Variants in ANK1 observed in about 807,000 individuals in gnomAD.
ANK1 encodes ankyrin 1.
ANK1 carries 51 observed loss-of-function variants against 210.4 expected under a neutral mutation model. That is an observed-to-expected ratio of 0.24 (90% CI 0.19 to 0.31). The LOEUF is 0.31. Among genes scored for constraint, ANK1 ranks in the 10% least tolerant of loss-of-function variants. The probability of loss-of-function intolerance (pLI) is 1.00; values close to 1 mark genes in which losing one functional copy is unlikely to be tolerated. For missense variants in ANK1, 2,051 were observed against 2,504.4 expected, an observed-to-expected ratio of 0.82 and a Z score of 3.86; for synonymous variants, 967 against 1,025.9, an observed-to-expected ratio of 0.94 and a Z score of 1.10.
At chr8:41,660,468 G>A (rs1361262734) in intron 42 of ANK1, 1 of 459,212 alleles carries the variant, frequency 2.2e-6, no homozygotes, top group African/African-American at 2.0e-5. Context: ...GCCCCGAGCT[G>A]GGCAGCATGA....
At chr8:41,831,151 A>G (rs1479713066) in intron 1 of ANK1, among the ~76,000 whole-genome samples, 2 of 152,128 alleles carry the variant, frequency 1.3e-5, no homozygotes, top group South Asian at 2.1e-4. Flanking sequence ...CCTTAAAACT[A>G]TGGACTCGTC....
At chr8:41,829,214 G>A (rs564503533) in intron 1 of ANK1, 2 of 152,164 alleles carry the variant, frequency 1.3e-5, no homozygotes, top group African/African-American at 2.4e-5. Context: ...CTGCCACAAG[G>A]CTTCAAAGGA....
chr8:41,868,408 C>T (rs1814878578), intron 1 of ANK1, among the ~76,000 whole-genome samples: 1 of 152,164 alleles, frequency 6.6e-6, no homozygotes, highest in Admixed American at 6.5e-5. Flanking sequence ...AGGGCAAAAC[C>T]ATTCCCAGTT....
intron 35 of ANK1, among the ~76,000 whole-genome samples, chr8:41,686,713 G>A (rs1283680801): frequency 6.6e-6 from 1 of 152,176 alleles, no homozygotes; most frequent in Non-Finnish European, 1.5e-5. Context: ...ATGCCCTACT[G>A]CCAAGAACCA....
intron 1 of ANK1, among the ~76,000 whole-genome samples, chr8:41,808,161 G>A (rs995207571): frequency 6.6e-6 from 1 of 152,116 alleles, no homozygotes; most frequent in Non-Finnish European, 1.5e-5. Flanking sequence ...GCACCCTGGG[G>A]CTACCTGCTG....
intron 1 of ANK1, among the ~76,000 whole-genome samples, chr8:41,774,815 T>C (rs923817204): frequency 1.3e-5 from 2 of 152,234 alleles, no homozygotes; most frequent in Non-Finnish European, 2.9e-5. Flanking sequence ...GCATTTAGAA[T>C]TGACACTTCA....
chr8:41,665,374 G>C (rs1417092641), intron 39 of ANK1: 30 of 925,370 alleles, frequency 3.2e-5, no homozygotes, highest in Non-Finnish European at 3.8e-5. Context: ...CCCATGTCCT[G>C]AGCACTGAAA....
intron 13 of ANK1, among the ~76,000 whole-genome samples, chr8:41,716,379 C>T (rs1443369155): frequency 1.3e-5 from 2 of 152,136 alleles, no homozygotes; most frequent in African/African-American, 4.8e-5. Context: ...TTTCTGAATG[C>T]TGCTGTCGGG....
chr8:41,750,450 T>C (rs1344600391), intron 2 of ANK1, among the ~76,000 whole-genome samples: 1 of 152,234 alleles, frequency 6.6e-6, no homozygotes, highest in East Asian at 1.9e-4. Flanking sequence ...ATCCTAAGTA[T>C]GCACGATTGC....
At chr8:41,828,552 C>T (rs1263546553) in intron 1 of ANK1, 1 of 154,230 alleles carries the variant, frequency 6.5e-6, no homozygotes, top group Non-Finnish European at 1.5e-5. Context: ...CCTCGGCGCT[C>T]CAACCACGTG....
chr8:41,701,693 C>G lies in ANK1; in HGVS notation c.2389-71G>C, dbSNP rs113350899. 636 of 1,466,294 alleles carry G rather than the reference C, an allele frequency of 4.3e-4. 2 individuals are homozygous for G. The African/African-American group carries it at 7.4e-3, about 17-fold the overall frequency. The allele number at this position is 1,466,294 out of a possible 1,614,324, so 90.8% of individuals were successfully genotyped here. A position where few individuals can be genotyped will look rare whatever the true frequency, so the allele number is the denominator to read the frequency against. The stretch of plus-strand genomic sequence containing the variant: ...CACATTTTTTACCAGCCCAGCGGTT[C>G]CCTGGTCATGCCTGTGGGGTTTCCC... On this transcript the variant is annotated intron_variant, in intron 21 of 42. Transcript: ENST00000289734.
chr8:41,729,454 C>T (rs1831547897), intron 3 of ANK1, among the ~76,000 whole-genome samples: 1 of 152,150 alleles, frequency 6.6e-6, no homozygotes. Flanking sequence ...ACAGTGGCAC[C>T]ATCATAACTC....
At chr8:41,741,694 A>G (rs1248940472) in intron 2 of ANK1, among the ~76,000 whole-genome samples, 1 of 152,174 alleles carries the variant, frequency 6.6e-6, no homozygotes, top group Non-Finnish European at 1.5e-5. Context: ...TCTGTTTGAA[A>G]TTCTGTTTAC....
At chr8:41,818,110 C>T (rs546189668) in intron 1 of ANK1, among the ~76,000 whole-genome samples, 3 of 152,276 alleles carry the variant, frequency 2.0e-5, no homozygotes, top group South Asian at 2.1e-4. Flanking sequence ...TAAAAGAAGA[C>T]GTATAGGAAA....
intron 1 of ANK1, among the ~76,000 whole-genome samples, chr8:41,831,499 T>A (rs1164725605): frequency 1.8e-4 from 27 of 151,484 alleles, no homozygotes; most frequent in African/African-American, 6.3e-4. Flanking sequence ...ACTACAAAAA[T>A]TGGTGGGGTG....
chr8:41,814,954 G>A (rs1245048496), intron 1 of ANK1, among the ~76,000 whole-genome samples: 1 of 152,054 alleles, frequency 6.6e-6, no homozygotes, highest in Non-Finnish European at 1.5e-5. Context: ...TTTATAAGAA[G>A]ACAGAACAAT....
At chr8:41,847,213 A>T (rs1415062460) in intron 1 of ANK1, among the ~76,000 whole-genome samples, 2 of 152,222 alleles carry the variant, frequency 1.3e-5, no homozygotes, top group African/African-American at 4.8e-5. Context: ...TGCTCATATC[A>T]GTCTAATGTG....
intron 37 of ANK1, among the ~76,000 whole-genome samples, chr8:41,683,069 T>C (rs1442774961): frequency 6.6e-6 from 1 of 151,860 alleles, no homozygotes; most frequent in Non-Finnish European, 1.5e-5. Context: ...CGCACACACA[T>C]GAACACGTGC....
rs188360816 is a variant in ANK1, at chr8:41,704,156, C to T, written c.2197-17G>A. On this transcript the variant is annotated splice_polypyrimidine_tract_variant and intron_variant, in intron 19 of 42. Coordinates refer to ENST00000289734, the MANE Select transcript of ANK1 (RefSeq NM_000037.4). The surrounding 1 kb of genome is among the most constrained non-coding windows in gnomAD (Gnocchi z 4.1). ...GTATCCTAGCTGCAAAGTGAGCAGA[C>T]ATTTAGGCAGGGTTAGCCAGCCACT... 3,540 of 1,611,942 alleles carry T rather than the reference C, an allele frequency of 2.2e-3. 9 individuals carry two copies. Among genetic ancestry groups the T allele is most frequent in the Non-Finnish European group, 2.6e-3 (3,070 of 1,178,588 alleles).
Sources: allele counts gnomAD v4.1 joint callset (sites outside exome capture counted in the v4.1 genomes callset), GRCh38; gene constraint gnomAD v4.1.1; non-coding constraint Gnocchi (gnomAD v3.1); transcripts MANE v1.5; gene names NCBI Gene and HGNC (gene_info 2026-07-23, HGNC 2026-07-21).